The following DOCK5 variants were observed in gnomAD, a reference collection of about 807,000 sequenced individuals.
DOCK5 encodes the protein dedicator of cytokinesis protein 5.
In DOCK5, 142 loss-of-function variants were observed where a neutral mutation model predicts 251.8. That is an observed-to-expected ratio of 0.56 (90% CI 0.49 to 0.65). The LOEUF is 0.65. DOCK5 is among the 30% of genes least tolerant of loss of function. The probability of loss-of-function intolerance (pLI) is 0.00; values close to 1 mark genes in which losing one functional copy is unlikely to be tolerated. For missense variants in DOCK5, 2,111 were observed against 2,312.3 expected, an observed-to-expected ratio of 0.91 and a Z score of 1.79; for synonymous variants, 842 against 835.5, an observed-to-expected ratio of 1.01 and a Z score of -0.13.
chr8:25,323,701 G>T, intron 16 of DOCK5, 147 bp from the exon 17 acceptor site: 1 of 782,428 alleles, frequency 1.3e-6, no homozygotes, highest in Admixed American at 2.3e-5. Context: ...AGTGGCACAT[G>T]GTACGTGGCT....
intron 48 of DOCK5, among the ~76,000 whole-genome samples, chr8:25,407,505 C>A (rs1801542645): frequency 6.6e-6 from 1 of 152,164 alleles, no homozygotes; most frequent in South Asian, 2.1e-4. Context: ...TGTACATTAA[C>A]ACCTTGAGAT....
intron 13 of DOCK5, among the ~76,000 whole-genome samples, chr8:25,311,837 G>T (rs1196255981): frequency 6.6e-6 from 1 of 151,182 alleles, no homozygotes; most frequent in Non-Finnish European, 1.5e-5. Context: ...CAGGAGAATC[G>T]CTTGAGCCTG....
At chr8:25,239,030 T>TC in intron 1 of DOCK5, among the ~76,000 whole-genome samples, 1 of 152,132 alleles carries the variant, frequency 6.6e-6, no homozygotes, top group Non-Finnish European at 1.5e-5. Context: ...AAGAAAGAGA[T>TC]CCACGCAGGT....
chr8:25,211,245 C>T lies in DOCK5; in HGVS notation c.43+26294C>T, dbSNP rs1396668578. 9.9e-5 allele frequency among the ~76,000 whole-genome samples: 7 copies of T among 70,458 alleles called. 3 individuals are homozygous for T. Among genetic ancestry groups the T allele is most frequent in the African/African-American group, 2.3e-4 (7 of 30,948 alleles). The allele number at this position is 70,458 out of a possible 152,430, so 46.2% of individuals were successfully genotyped here. A position where few individuals can be genotyped will look rare whatever the true frequency, so the allele number is the denominator to read the frequency against. On this transcript the variant is annotated intron_variant, in intron 1 of 51. Transcript: ENST00000276440. ...ATTGCTGTGTCTCATAAGAGAAGCA[C>T]AGAAAGTGCCAAATAGAGTTTCAGG...
Position 25,298,979 on chromosome 8 carries a change from C to T in DOCK5, c.642C>T (p.Ser214=), listed in dbSNP as rs140577473. Residue 214 remains serine, a synonymous_variant, in exon 8 of 52, where the codon TCC becomes TCT. Coordinates refer to ENST00000276440, the MANE Select transcript of DOCK5 (RefSeq NM_024940.8). ...ILQNLDLRGQ[S]IFSTIHTYGL... is the part of the protein sequence containing the mutation. ...AGAACCTCGATTTGCGGGGCCAGTC[C>T]ATCTTCAGTACCATCCACACCTATG... is the stretch of plus-strand genomic sequence containing the variant. 2.0e-4 allele frequency: 321 copies of T among 1,613,362 alleles called. No individual in the cohort carries two copies. The highest frequency in any genetic ancestry group is 6.7e-4 in the Admixed American group (40 of 59,876).
chr8:25,216,167 A>G (rs1190420710), intron 1 of DOCK5, among the ~76,000 whole-genome samples: 1 of 145,172 alleles, frequency 6.9e-6, no homozygotes, highest in African/African-American at 2.6e-5. Context: ...ATATATGTAT[A>G]CAATATGTGC....
Position 25,337,294 on chromosome 8 carries a change from A to C in DOCK5, c.2327+921A>C, listed in dbSNP as rs976400682. On this transcript the variant is annotated intron_variant, in intron 22 of 51. Coordinates refer to ENST00000276440, the MANE Select transcript of DOCK5 (RefSeq NM_024940.8). Reference sequence around the variant, plus strand: ...CCTATACATTTGAAAAAGATTAGACATCTTTGTCCTTGATGAGATTGGGCA... The same window carrying C: ...CCTATACATTTGAAAAAGATTAGACCTCTTTGTCCTTGATGAGATTGGGCA... Among the ~76,000 whole-genome samples, 3 of 152,190 alleles carry C rather than the reference A, an allele frequency of 2.0e-5. No homozygotes were observed. The East Asian group carries it at 5.8e-4, about 29-fold the overall frequency.
In DOCK5 at chr8:25,236,791, G is replaced by T. The variant is rs1191597557; in HGVS notation, c.44-6883G>T. On this transcript the variant is annotated intron_variant, in intron 1 of 51. Transcript: ENST00000276440. The stretch of plus-strand genomic sequence containing the variant: ...TTTTTGTATTTTTAGTAGAGATGGG[G>T]TTTTACCATGTTGGCCAAGCTGGTC... Among the ~76,000 whole-genome samples the T allele has an allele frequency of 2.6e-5, 4 of 151,866 alleles. No homozygotes were observed. The South Asian group carries it at 8.3e-4, about 32-fold the overall frequency.
rs189509389 is a variant in DOCK5, at chr8:25,246,822, C to G, written c.127+3065C>G. 5.0e-4 allele frequency among the ~76,000 whole-genome samples: 75 copies of G among 148,940 alleles called. No individual in the cohort carries two copies. In the East Asian group the frequency reaches 0.014, roughly 29 times the overall value. On this transcript the variant is annotated intron_variant, in intron 2 of 51. Coordinates refer to ENST00000276440, the MANE Select transcript of DOCK5 (RefSeq NM_024940.8). Reference sequence around the variant, plus strand: ...GTTTTGTCAAGCTTTTCTAATTGTCCTACAGAGTGTGGGAGGGAAGAATGG... The same window carrying G: ...GTTTTGTCAAGCTTTTCTAATTGTCGTACAGAGTGTGGGAGGGAAGAATGG...
At chr8:25,288,062 T>A (rs1421739534) in intron 5 of DOCK5, among the ~76,000 whole-genome samples, 1 of 152,052 alleles carries the variant, frequency 6.6e-6, no homozygotes, top group African/African-American at 2.4e-5. Context: ...ATTTTTGTAT[T>A]TTTAGTAGAG....
intron 13 of DOCK5, among the ~76,000 whole-genome samples, chr8:25,315,006 T>G (rs56999171): frequency 0.039 from 5,890 of 149,214 alleles, 174 homozygotes; most frequent in South Asian, 0.092. Context: ...TTTCTGTTCT[T>G]TCTTTGCTCA....
intron 11 of DOCK5, among the ~76,000 whole-genome samples, chr8:25,305,475 G>T (rs1804893551): frequency 6.6e-6 from 1 of 152,040 alleles, no homozygotes; most frequent in Middle Eastern, 3.4e-3. Context: ...TGGGAGGGAG[G>T]CCGTTTTAAA....
chr8:25,356,907 TTATATA>T (rs34216387), intron 27 of DOCK5, among the ~76,000 whole-genome samples: 26,271 of 130,814 alleles, frequency 0.2, 3,445 homozygotes, highest in Admixed American at 0.29. Context: ...TATATGAAGA[TTATATA>T]TATATATATA....
At chr8:25,327,254 T>G (rs1241066198) in intron 18 of DOCK5, among the ~76,000 whole-genome samples, 2 of 152,242 alleles carry the variant, frequency 1.3e-5, no homozygotes, top group African/African-American at 2.4e-5. Flanking sequence ...AACCCAAAGT[T>G]TGATAATTCT....
At chr8:25,310,281 T>TGGG in intron 12 of DOCK5, 126 bp from the exon 13 acceptor site, 1 of 948,522 alleles carries the variant, frequency 1.1e-6, no homozygotes, top group Non-Finnish European at 1.5e-6. Flanking sequence ...ATAAGTCAAC[T>TGGG]GGGGGAGAAT....
chr8:25,273,192 G>A (rs1262555919), intron 3 of DOCK5, among the ~76,000 whole-genome samples: 2 of 152,232 alleles, frequency 1.3e-5, no homozygotes, highest in Non-Finnish European at 2.9e-5. Flanking sequence ...GGAATCACAC[G>A]CAGTTTTTGA....
intron 1 of DOCK5, among the ~76,000 whole-genome samples, chr8:25,229,153 A>G (rs541398131): frequency 6.6e-6 from 1 of 152,278 alleles, no homozygotes; most frequent in African/African-American, 2.4e-5. Flanking sequence ...TGCAGGAACC[A>G]GAAAGAATGC....
intron 2 of DOCK5, among the ~76,000 whole-genome samples, chr8:25,260,283 A>G (rs925366049): frequency 2.6e-5 from 4 of 152,124 alleles, no homozygotes; most frequent in African/African-American, 9.7e-5. Flanking sequence ...ATCCAGTAAG[A>G]TACCAGACCA....
intron 5 of DOCK5, among the ~76,000 whole-genome samples, chr8:25,290,439 C>T (rs1804456423): frequency 6.6e-6 from 1 of 152,126 alleles, no homozygotes; most frequent in African/African-American, 2.4e-5. Context: ...TTTGTGATGG[C>T]TTAGGTGTCA....
Sources: gnomAD v4.1 joint callset for allele counts (sites outside exome capture counted in the v4.1 genomes callset) on GRCh38, gnomAD v4.1.1 for gene constraint, MANE v1.5 for transcripts, NCBI Gene and HGNC (gene_info 2026-07-23, HGNC 2026-07-21) for gene names.